DST: variants seen among roughly 807,000 people sequenced by gnomAD.
DST encodes dystonin, also known as bullous pemphigoid antigen.
In DST, 253 loss-of-function variants were observed where a neutral mutation model predicts 875.2. The observed-to-expected ratio is 0.29, with a 90% confidence interval of 0.26 to 0.32. The LOEUF (loss-of-function observed/expected upper bound fraction) is 0.32. Ranked by LOEUF, DST falls within the 10% of genes least tolerant of loss-of-function variation. DST has a pLI of 1.00. For missense variants in DST, 8,287 were observed against 9,111.6 expected (o/e 0.91, Z 3.68); for synonymous variants, 3,124 against 3,197.1 (o/e 0.98, Z 0.77).
At chr6:56,487,345 G>C (rs1446703016) in intron 86 of DST, 72 bp from the exon 87 acceptor site, 1 of 1,285,814 alleles carries the variant, frequency 7.8e-7, no homozygotes, top group African/African-American at 1.5e-5. Context: ...CATTAACAGA[G>C]GCATCCCTAA....
chr6:56,805,962 T>G (rs552522154), intron 4 of DST, among the ~76,000 whole-genome samples: 1 of 152,334 alleles, frequency 6.6e-6, no homozygotes, highest in South Asian at 2.1e-4. Flanking sequence ...AATCTCCCCG[T>G]AAGAAATTGC....
intron 3 of DST, among the ~76,000 whole-genome samples, chr6:56,895,944 T>C (rs1790964575): frequency 2.0e-5 from 1 of 49,368 alleles, no homozygotes; most frequent in Non-Finnish European, 3.6e-5. Context: ...GCAGGGAGGT[T>C]GCAGTGAGCC....
intron 2 of DST, among the ~76,000 whole-genome samples, chr6:56,945,153 A>C (rs1398035866): frequency 6.6e-6 from 1 of 152,244 alleles, no homozygotes; most frequent in Non-Finnish European, 1.5e-5. Context: ...GTTTTCTATT[A>C]CTTAAATCTG....
intron 34 of DST, among the ~76,000 whole-genome samples, chr6:56,626,322 C>CA (rs1488716498): frequency 6.6e-6 from 1 of 152,154 alleles, no homozygotes; most frequent in Admixed American, 6.5e-5. Context: ...AAGCTCCATT[C>CA]ATGGTAGGTG....
chr6:56,876,904 A>G (rs1228301704), intron 3 of DST, among the ~76,000 whole-genome samples: 1 of 152,086 alleles, frequency 6.6e-6, no homozygotes, highest in African/African-American at 2.4e-5. Context: ...TGAATCCTAT[A>G]TCCTCCCCAG....
intron 58 of DST, among the ~76,000 whole-genome samples, chr6:56,558,797 C>T (rs565398685): frequency 6.6e-6 from 1 of 152,248 alleles, no homozygotes; most frequent in African/African-American, 2.4e-5. Flanking sequence ...CTGCTGATTT[C>T]ATCCTTATAA....
At chr6:56,801,777 T>G (rs1297918929) in intron 4 of DST, among the ~76,000 whole-genome samples, 16 of 139,748 alleles carry the variant, frequency 1.1e-4, no homozygotes, top group Non-Finnish European at 2.1e-4. Context: ...TGAGATGGAG[T>G]CTTGCTCTGT....
rs771910149 is a variant in DST, at chr6:56,506,573, G to A, written c.19363-29C>T. 2.5e-6 allele frequency: 4 copies of A among 1,608,168 alleles called. No individual in the cohort carries two copies. The African/African-American group carries it at 4.0e-5, about 16-fold the overall frequency. ...CAAGATGTATGTTAGAATTCTTTTA[G>A]TGCCATATTTTAAACTTTCAACTAC... On this transcript the variant is annotated intron_variant, in intron 76 of 103. Transcript: ENST00000680361.
At chr6:56,472,032 T>C in intron 94 of DST, 27 bp downstream of exon 94, 2 of 1,611,542 alleles carry the variant, frequency 1.2e-6, no homozygotes. Context: ...AATGACAATG[T>C]GGTGTTGAGG....
At chr6:56,463,904 C>T in intron 100 of DST, 140 bp from the exon 101 acceptor site, 1 of 888,928 alleles carries the variant, frequency 1.1e-6, no homozygotes, top group Non-Finnish European at 1.9e-6. Flanking sequence ...ATGCCAACTC[C>T]AACTCAGCAT....
chr6:56,520,059 A>G (rs1389710028), intron 69 of DST, among the ~76,000 whole-genome samples: 1 of 152,236 alleles, frequency 6.6e-6, no homozygotes, highest in African/African-American at 2.4e-5. Context: ...TATACAGTAT[A>G]AAGAAGAACC....
chr6:56,780,206 A>G (rs1359015855), intron 4 of DST, among the ~76,000 whole-genome samples: 1 of 151,922 alleles, frequency 6.6e-6, no homozygotes, highest in Admixed American at 6.6e-5. Flanking sequence ...GTGTCTTTAT[A>G]GCAGCATGAT....
intron 2 of DST, among the ~76,000 whole-genome samples, chr6:56,938,294 C>G (rs1814320218): frequency 6.6e-6 from 1 of 151,760 alleles, no homozygotes. Context: ...ACCATCATGC[C>G]CAGCTAATTT....
At chr6:56,571,481 T>G (rs1317027535) in intron 53 of DST, among the ~76,000 whole-genome samples, 1 of 152,174 alleles carries the variant, frequency 6.6e-6, no homozygotes, top group Non-Finnish European at 1.5e-5. Context: ...CTTTTCTATG[T>G]TCTGAGGCTT....
intron 55 of DST, among the ~76,000 whole-genome samples, chr6:56,566,351 G>A (rs1305871230): frequency 6.6e-6 from 1 of 152,188 alleles, no homozygotes; most frequent in African/African-American, 2.4e-5. Flanking sequence ...GAATCTCCTG[G>A]TCTGTGAGTT....
At chr6:56,656,288 G>A (rs2099008046) in intron 10 of DST, among the ~76,000 whole-genome samples, 1 of 152,244 alleles carries the variant, frequency 6.6e-6, no homozygotes. Context: ...GGCACGAAGT[G>A]AGGACAACAA....
At position 56,635,865 on chromosome 6, in the gene DST, G is replaced by A. The variant is rs2098819366; in HGVS notation, c.3061-151C>T. On this transcript the variant is annotated intron_variant, in intron 23 of 103. Transcript: ENST00000680361. ...TAGCTTAATAGTCACATCTTTCCTT[G>A]GACCAAAGAATAACCCTTGAAGTTG... The A allele has an allele frequency of 7.6e-6, 6 of 794,422 alleles. No homozygotes were observed. The Admixed American group carries it at 8.4e-5, about 11-fold the overall frequency. 49.2% of individuals were successfully genotyped at this position (794,422 alleles called of 1,614,324 possible).
At chr6:56,738,756 G>A (rs1278898909) in intron 4 of DST, among the ~76,000 whole-genome samples, 2 of 151,950 alleles carry the variant, frequency 1.3e-5, no homozygotes, top group African/African-American at 4.8e-5. Flanking sequence ...CCAAGGAGTT[G>A]GGACTACAGG....
intron 49 of DST, among the ~76,000 whole-genome samples, chr6:56,583,793 C>A (rs1446897278): frequency 1.3e-5 from 2 of 152,160 alleles, no homozygotes; most frequent in African/African-American, 4.8e-5. Context: ...AGGAAGGGAT[C>A]CAGTTTCAGC....
Sources: allele counts gnomAD v4.1 joint callset (sites outside exome capture counted in the v4.1 genomes callset), GRCh38; gene constraint gnomAD v4.1.1; transcripts MANE v1.5; gene names NCBI Gene and HGNC (gene_info 2026-07-23, HGNC 2026-07-21).